Variants in CNTNAP5 observed in about 807,000 individuals in gnomAD.
CNTNAP5 encodes the protein contactin associated protein family member 5.
CNTNAP5 carries 72 observed loss-of-function variants against 150.2 expected under a neutral mutation model. That is an observed-to-expected ratio of 0.48 (90% CI 0.40 to 0.58). The LOEUF is 0.58. Ranked by LOEUF, CNTNAP5 falls within the 20% of genes least tolerant of loss-of-function variation. The probability of loss-of-function intolerance (pLI) is 0.00; values close to 1 mark genes in which losing one functional copy is unlikely to be tolerated. For synonymous variants in CNTNAP5, 672 were observed against 619.8 expected (o/e 1.08, Z -1.25); for missense variants, 1,636 against 1,626.2 (o/e 1.01, Z -0.10).
At chr2:124,519,141 T>C (rs751797898) in intron 8 of CNTNAP5, among the ~76,000 whole-genome samples, 11 of 151,622 alleles carry the variant, frequency 7.3e-5, no homozygotes, top group Admixed American at 2.0e-4. Flanking sequence ...GGCAAATCCA[T>C]AGAGGCACAA....
chr2:124,145,778 A>G (rs1173934970), intron 1 of CNTNAP5, among the ~76,000 whole-genome samples: 1 of 133,462 alleles, frequency 7.5e-6, no homozygotes, highest in East Asian at 2.2e-4. Flanking sequence ...CATGTACCCT[A>G]AAACTTAAAG....
At chr2:124,791,664 A>T (rs1253049560) in intron 18 of CNTNAP5, among the ~76,000 whole-genome samples, 3 of 149,048 alleles carry the variant, frequency 2.0e-5, no homozygotes, top group African/African-American at 7.4e-5. Flanking sequence ...GATCTCGTAG[A>T]TCATATTGTT....
intron 1 of CNTNAP5, among the ~76,000 whole-genome samples, chr2:124,169,303 T>G (rs767807955): frequency 6.6e-6 from 1 of 152,110 alleles, no homozygotes; most frequent in African/African-American, 2.4e-5. Flanking sequence ...AAGGCTTTGA[T>G]GATGCTCTGC....
intron 11 of CNTNAP5, among the ~76,000 whole-genome samples, chr2:124,599,815 C>T (rs575921820): frequency 9.2e-5 from 14 of 152,134 alleles, no homozygotes; most frequent in African/African-American, 3.1e-4. Context: ...TGGCTTATTG[C>T]AGCCTCAAAC....
At chr2:124,581,211 A>C (rs1440947195) in intron 11 of CNTNAP5, among the ~76,000 whole-genome samples, 1 of 152,226 alleles carries the variant, frequency 6.6e-6, no homozygotes, top group East Asian at 1.9e-4. Flanking sequence ...AAATTCTTCA[A>C]AATTCTTCTC....
intron 1 of CNTNAP5, among the ~76,000 whole-genome samples, chr2:124,214,484 T>C (rs1463672242): frequency 6.6e-6 from 1 of 152,172 alleles, no homozygotes; most frequent in African/African-American, 2.4e-5. Context: ...TAATTACTTT[T>C]ACTCTCTGCA....
At chr2:124,404,365 G>A (rs973144087) in intron 3 of CNTNAP5, among the ~76,000 whole-genome samples, 16 of 148,534 alleles carry the variant, frequency 1.1e-4, no homozygotes, top group African/African-American at 2.2e-4. Context: ...AGTGTAGGTC[G>A]GCTGGCTACA....
Position 124,337,731 on chromosome 2 carries a change from A to G in CNTNAP5, c.382-79712A>G, listed in dbSNP as rs1214697363. On this transcript the variant is annotated intron_variant, in intron 3 of 23. Coordinates refer to ENST00000682447, the MANE Select transcript of CNTNAP5 (RefSeq NM_001367498.1). ...GGGTTCTGTTCTGTTCCATTGGTCT[A>G]TATCTCTGTTTTGGTACCAGTACCA... 9.2e-5 allele frequency among the ~76,000 whole-genome samples: 14 copies of G among 152,116 alleles called. 1 individual carries two copies. The East Asian group carries it at 2.3e-3, about 25-fold the overall frequency.
intron 3 of CNTNAP5, among the ~76,000 whole-genome samples, chr2:124,361,836 C>T (rs1249325147): frequency 6.6e-6 from 1 of 152,156 alleles, no homozygotes; most frequent in Non-Finnish European, 1.5e-5. Context: ...GTGAGCTCCA[C>T]CCAGTTCGAG....
intron 3 of CNTNAP5, among the ~76,000 whole-genome samples, chr2:124,406,383 G>A (rs1456905204): frequency 1.3e-5 from 2 of 152,022 alleles, no homozygotes; most frequent in Non-Finnish European, 2.9e-5. Flanking sequence ...TTGTCCTCTT[G>A]TATAATTCCA....
intron 13 of CNTNAP5, among the ~76,000 whole-genome samples, chr2:124,731,562 G>T (rs1680271890): frequency 6.6e-6 from 1 of 151,586 alleles, no homozygotes; most frequent in Non-Finnish European, 1.5e-5. Context: ...GGAGGAGAAA[G>T]GGAGCAAGAA....
chr2:124,713,169 T>G (rs1374622877), intron 13 of CNTNAP5, among the ~76,000 whole-genome samples: 1 of 136,600 alleles, frequency 7.3e-6, no homozygotes. Context: ...CCTCCCTCCC[T>G]CTCTCTTTTC....
chr2:124,841,953 A>G (rs112169205), intron 19 of CNTNAP5, among the ~76,000 whole-genome samples: 2,487 of 150,482 alleles, frequency 0.017, 61 homozygotes, highest in African/African-American at 0.059. Flanking sequence ...GTAGTTACCA[A>G]AACTTAAAAA....
intron 7 of CNTNAP5, among the ~76,000 whole-genome samples, chr2:124,484,609 A>G (rs1340493338): frequency 3.9e-5 from 6 of 152,286 alleles, no homozygotes; most frequent in South Asian, 2.1e-4. Flanking sequence ...AATTATTTTT[A>G]TAGCCTCACT....
At chr2:124,335,048 C>A (rs2104684596) in intron 3 of CNTNAP5, among the ~76,000 whole-genome samples, 1 of 152,146 alleles carries the variant, frequency 6.6e-6, no homozygotes, top group Non-Finnish European at 1.5e-5. Flanking sequence ...AAATTTTCAT[C>A]CACAGAAACA....
intron 14 of CNTNAP5, among the ~76,000 whole-genome samples, chr2:124,748,041 G>A (rs1026702424): frequency 1.3e-5 from 2 of 151,826 alleles, no homozygotes; most frequent in African/African-American, 2.4e-5. Context: ...TGGACTATAT[G>A]TTTTGGGGGG....
At chr2:124,372,598 A>G (rs919072499) in intron 3 of CNTNAP5, among the ~76,000 whole-genome samples, 2 of 152,098 alleles carry the variant, frequency 1.3e-5, no homozygotes, top group Non-Finnish European at 2.9e-5. Context: ...CAACCTTAGG[A>G]TGAAGCTGGA....
intron 3 of CNTNAP5, among the ~76,000 whole-genome samples, chr2:124,312,372 G>C (rs1038190717): frequency 3.3e-5 from 5 of 152,012 alleles, no homozygotes; most frequent in African/African-American, 1.2e-4. Flanking sequence ...TTCTGAGATG[G>C]AGTTTCACTC....
At chr2:124,571,533 T>TTTTTCTCTTTGTTTTCTTTTTTCTTTTTC (rs1573467288) in intron 11 of CNTNAP5, among the ~76,000 whole-genome samples, 2 of 46,900 alleles carry the variant, frequency 4.3e-5, no homozygotes, top group Non-Finnish European at 8.1e-5. Context: ...TTTTCTTTTT[T>TTTTTCTCTTTGTTTTCTTTTTTCTTTTTC]TTTTTTTTTT....
Sources: gnomAD v4.1 joint callset for allele counts (sites outside exome capture counted in the v4.1 genomes callset) on GRCh38, gnomAD v4.1.1 for gene constraint, MANE v1.5 for transcripts, NCBI Gene and HGNC (gene_info 2026-07-23, HGNC 2026-07-21) for gene names.